Variants in MCTP2 observed in about 807,000 individuals in gnomAD.
The protein encoded by MCTP2 is multiple C2 and transmembrane domain containing 2, also known as multiple C2 and transmembrane domain-containing protein 2.
MCTP2 carries 132 observed loss-of-function variants against 111.6 expected under a neutral mutation model. The ratio of observed to expected loss-of-function variants is 1.18; its 90% CI spans 1.03 to 1.37. The LOEUF is 1.37. Ranked by LOEUF, MCTP2 falls within the 40% of genes most tolerant of loss-of-function variation. MCTP2 has a pLI of 0.00. For synonymous variants in MCTP2, 395 were observed against 387.7 expected (o/e 1.02, Z -0.22); for missense variants, 1,183 against 1,067.9 (o/e 1.11, Z -1.50).
chr15:94,374,145 C>T (rs1366219590), intron 12 of MCTP2, among the ~76,000 whole-genome samples: 2 of 152,152 alleles, frequency 1.3e-5, no homozygotes, highest in Non-Finnish European at 2.9e-5. Flanking sequence ...GTGGTATATG[C>T]TGCCCAGGGG....
Position 94,366,158 on chromosome 15 carries a change from A to G in MCTP2, c.1302-1447A>G, listed in dbSNP as rs186203938. ...ATTAACCTATATTTTCATAGATAGT[A>G]ATGCAATTTAACTTTAAAAGCTTCC... is the stretch of plus-strand genomic sequence containing the variant. On this transcript the variant is annotated intron_variant, in intron 10 of 22. Coordinates refer to ENST00000357742, the MANE Select transcript of MCTP2 (RefSeq NM_001385001.1). 4.1e-3 allele frequency among the ~76,000 whole-genome samples: 624 copies of G among 152,330 alleles called. 2 individuals are homozygous for G. The highest frequency in any genetic ancestry group is 6.7e-3 in the Non-Finnish European group (453 of 68,006).
At chr15:94,294,940 CCTTTTTTT>C (rs1363012224) in intron 1 of MCTP2, among the ~76,000 whole-genome samples, 50 of 111,512 alleles carry the variant, frequency 4.5e-4, no homozygotes, top group African/African-American at 1.7e-3. Context: ...CTTTTCTTTT[CCTTTTTTT>C]TTTTTTTTTT....
chr15:94,405,985 T>A (rs1332364823), intron 17 of MCTP2, among the ~76,000 whole-genome samples: 2 of 152,228 alleles, frequency 1.3e-5, no homozygotes, highest in Admixed American at 6.5e-5. Context: ...CAAATAGAAC[T>A]GAAATATTTT....
chr15:94,409,121 A>G (rs2082034648), intron 17 of MCTP2, among the ~76,000 whole-genome samples: 1 of 152,162 alleles, frequency 6.6e-6, no homozygotes, highest in Non-Finnish European at 1.5e-5. Flanking sequence ...GTGGGCTGGG[A>G]AAGGCAGACC....
At chr15:94,347,830 CT>C (rs921484611) in intron 8 of MCTP2, among the ~76,000 whole-genome samples, 2 of 152,024 alleles carry the variant, frequency 1.3e-5, no homozygotes, top group Non-Finnish European at 2.9e-5. Flanking sequence ...TAAAAAATGG[CT>C]TTGACAAATT....
At chr15:94,386,388 G>A (rs186883974) in intron 14 of MCTP2, among the ~76,000 whole-genome samples, 29 of 152,306 alleles carry the variant, frequency 1.9e-4, no homozygotes, top group African/African-American at 4.8e-5. Context: ...GGAGCACTCC[G>A]TAATTTAACC....
At chr15:94,274,917 T>TA (rs1165044341) in intron 1 of MCTP2, among the ~76,000 whole-genome samples, 1 of 152,160 alleles carries the variant, frequency 6.6e-6, no homozygotes, top group Non-Finnish European at 1.5e-5. Flanking sequence ...AACATAGGTG[T>TA]AAAAATCCTA....
chr15:94,278,143 C>A (rs1003821347), intron 1 of MCTP2: 3 of 151,974 alleles, frequency 2.0e-5, no homozygotes, highest in African/African-American at 7.3e-5. Flanking sequence ...TGCTTTTATT[C>A]GGAGGTACAG....
chr15:94,296,301 T>C (rs561624938), intron 1 of MCTP2, among the ~76,000 whole-genome samples: 3 of 152,278 alleles, frequency 2.0e-5, no homozygotes, highest in Non-Finnish European at 4.4e-5. Flanking sequence ...AGTTTCTGTT[T>C]AGGATAACGT....
chr15:94,261,166 A>G (rs926980386), intron 1 of MCTP2, among the ~76,000 whole-genome samples: 1 of 152,174 alleles, frequency 6.6e-6, no homozygotes, highest in Non-Finnish European at 1.5e-5. Flanking sequence ...ACCAATGTGT[A>G]TCTTTCATGT....
chr15:94,287,507 G>A (rs1039543283), intron 1 of MCTP2, among the ~76,000 whole-genome samples: 4 of 152,132 alleles, frequency 2.6e-5, no homozygotes, highest in Admixed American at 1.3e-4. Flanking sequence ...TTTTCTGCAC[G>A]TGGTTGTGTA....
At chr15:94,284,013 T>G (rs748347532) in intron 1 of MCTP2, among the ~76,000 whole-genome samples, 32 of 152,344 alleles carry the variant, frequency 2.1e-4, no homozygotes, top group Non-Finnish European at 3.8e-4. Flanking sequence ...GCAAGGATGT[T>G]GCACAATGGG....
intron 1 of MCTP2, among the ~76,000 whole-genome samples, chr15:94,252,732 T>A (rs2072521258): frequency 6.6e-6 from 1 of 152,122 alleles, no homozygotes; most frequent in Non-Finnish European, 1.5e-5. Context: ...TAAGTGTAAC[T>A]TAGATTCTCT....
intron 4 of MCTP2, among the ~76,000 whole-genome samples, chr15:94,337,027 T>A (rs1290402417): frequency 2.0e-5 from 3 of 152,104 alleles, no homozygotes; most frequent in African/African-American, 7.2e-5. Context: ...AGGTGTCATC[T>A]CATCATTTGT....
intron 4 of MCTP2, among the ~76,000 whole-genome samples, chr15:94,327,709 A>G (rs552139043): frequency 1.3e-5 from 2 of 152,290 alleles, no homozygotes; most frequent in South Asian, 4.1e-4. Context: ...TCCTGCAGTA[A>G]GTGATTAGAG....
rs546568315 is a variant in MCTP2, at chr15:94,249,572, G to A, written c.-66+17908G>A. ...GCGATCTCAGCTCACTGCAACCTCC[G>A]CCTCCTGGGTTCACGCCATTCTCCT... is the stretch of plus-strand genomic sequence containing the variant. On this transcript the variant is annotated intron_variant, in intron 1 of 22. Transcript: ENST00000357742. Among the ~76,000 whole-genome samples the A allele has an allele frequency of 9.9e-3, 1,486 of 150,854 alleles. 17 individuals carry two copies. Among genetic ancestry groups the A allele is most frequent in the African/African-American group, 0.034 (1,409 of 41,018 alleles).
At chr15:94,298,150 TG>T (rs2075360492) in intron 1 of MCTP2, 50 bp from the exon 2 acceptor site, 2 of 766,908 alleles carry the variant, frequency 2.6e-6, no homozygotes, top group Non-Finnish European at 2.0e-6. Context: ...AGAAGGTTCA[TG>T]TTTTTTTTTT....
At position 94,482,505 on chromosome 15, in the gene MCTP2, A is replaced by G. The variant is rs548840320; in HGVS notation, c.*3471A>G. 6.6e-6 allele frequency: 1 copy of G among 152,306 alleles called. No homozygotes were observed. Among genetic ancestry groups the G allele is most frequent in the East Asian group, 1.9e-4 (1 of 5,184 alleles). 9.4% of individuals were successfully genotyped at this position (152,306 alleles called of 1,614,324 possible). On this transcript the variant is annotated 3_prime_UTR_variant, in exon 23 of 23. Transcript: ENST00000357742. ...AGATGGTGTTACCTTTCACTAAGGG[A>G]GAGAACTGTAAGAACTGCTGTGAGA...
intron 1 of MCTP2, among the ~76,000 whole-genome samples, chr15:94,232,872 A>C (rs564418812): frequency 1.3e-5 from 2 of 152,348 alleles, no homozygotes; most frequent in African/African-American, 4.8e-5. Flanking sequence ...AAGATTATTA[A>C]GAATTAGCTC....
Sources: allele counts gnomAD v4.1 joint callset (sites outside exome capture counted in the v4.1 genomes callset), GRCh38; gene constraint gnomAD v4.1.1; transcripts MANE v1.5; gene names NCBI Gene and HGNC (gene_info 2026-07-23, HGNC 2026-07-21).